The following CPEB2 variants were observed in gnomAD, a reference collection of about 807,000 sequenced individuals.
CPEB2 encodes cytoplasmic polyadenylation element-binding protein 2.
A neutral mutation model predicts 93.6 loss-of-function variants in CPEB2; 56 were observed. The observed-to-expected ratio is 0.60, with a 90% CI of 0.48 to 0.75. The LOEUF (loss-of-function observed/expected upper bound fraction) is 0.75, where lower values mean the gene tolerates loss of function less well. Among genes scored for constraint, CPEB2 ranks in the 30% least tolerant of loss-of-function variants. The probability of loss-of-function intolerance (pLI) is 0.00; values close to 1 mark genes in which losing one functional copy is unlikely to be tolerated. For synonymous variants in CPEB2, 764 were observed against 586.3 expected, an observed-to-expected ratio of 1.30 and a Z score of -4.38; for missense variants, 1,579 against 1,395.1, an observed-to-expected ratio of 1.13 and a Z score of -2.10.
At position 15,003,175 on chromosome 4, in the gene CPEB2, AAGCGGC is replaced by A; in HGVS notation, c.506_511del (p.Arg169_Gln170del). The A allele has an allele frequency of 6.5e-7, 1 of 1,532,842 alleles. No homozygotes were observed. Among genetic ancestry groups the A allele is most frequent in the Non-Finnish European group, 8.7e-7 (1 of 1,145,376 alleles). The allele number at this position is 1,532,842 out of a possible 1,614,324, so 95.0% of individuals were successfully genotyped here. A position where few individuals can be genotyped will look rare whatever the true frequency, so the allele number is the denominator to read the frequency against. On this transcript the variant is annotated inframe_deletion, in exon 1 of 12. Transcript: ENST00000538197. Reference sequence around the variant, plus strand: ...CACCTCCTCCCCGCAGGACTTCAGTAAGCGGCAGCAGCAGCAGCTGAGCAGCCAGAA... The same window carrying A: ...CACCTCCTCCCCGCAGGACTTCAGTAAGCAGCAGCAGCTGAGCAGCCAGAA...
chr4:15,021,405 A>G (rs1724797963), intron 4 of CPEB2, among the ~76,000 whole-genome samples: 1 of 152,052 alleles, frequency 6.6e-6, no homozygotes, highest in Non-Finnish European at 1.5e-5. Flanking sequence ...ATAATTTGTG[A>G]TTTTTTAATA....
chr4:15,045,846 TTTAAATA>T (rs1727622490), intron 6 of CPEB2, among the ~76,000 whole-genome samples: 1 of 152,186 alleles, frequency 6.6e-6, no homozygotes, highest in South Asian at 2.1e-4. Flanking sequence ...AGTAATTACT[TTTAAATA>T]TTTATAAGTA....
chr4:15,007,822 T>A (rs1475235630), intron 2 of CPEB2, among the ~76,000 whole-genome samples: 2 of 152,244 alleles, frequency 1.3e-5, no homozygotes, highest in African/African-American at 2.4e-5. Flanking sequence ...AAAAACCTTT[T>A]GTATTTATTA....
chr4:15,011,472 C>G (rs868176750), intron 3 of CPEB2, among the ~76,000 whole-genome samples: 1 of 151,982 alleles, frequency 6.6e-6, no homozygotes, highest in Non-Finnish European at 1.5e-5. Context: ...GTTACCCTTG[C>G]GAGAATCGTA....
At chr4:15,043,665 T>A (rs1727395574) in intron 6 of CPEB2, among the ~76,000 whole-genome samples, 1 of 152,050 alleles carries the variant, frequency 6.6e-6, no homozygotes, top group African/African-American at 2.4e-5. Context: ...AATAAAGGAT[T>A]AAAGGGCTAC....
intron 10 of CPEB2, 29 bp downstream of exon 10, chr4:15,059,330 A>C (rs1577467605): frequency 7.1e-7 from 1 of 1,406,314 alleles, no homozygotes; most frequent in Admixed American, 1.7e-5. Flanking sequence ...ATTTTGTTTA[A>C]AAAAATCATT....
intron 5 of CPEB2, among the ~76,000 whole-genome samples, chr4:15,035,406 C>CTG (rs1726512747): frequency 6.6e-6 from 1 of 152,148 alleles, no homozygotes; most frequent in East Asian, 1.9e-4. Context: ...CTCAGGGGGA[C>CTG]TGTTCTGAGA....
intron 7 of CPEB2, among the ~76,000 whole-genome samples, chr4:15,052,945 A>G (rs2109081923): frequency 6.6e-6 from 1 of 152,086 alleles, no homozygotes. Flanking sequence ...ATACACTGAA[A>G]TAAATGGAAC....
intron 6 of CPEB2, among the ~76,000 whole-genome samples, chr4:15,048,264 C>T (rs1322706250): frequency 2.0e-5 from 3 of 151,882 alleles, no homozygotes; most frequent in Admixed American, 2.0e-4. Context: ...TTTCTTTATT[C>T]TCTGGAAGAG....
intron 4 of CPEB2, among the ~76,000 whole-genome samples, chr4:15,024,154 G>GT (rs962227118): frequency 4.6e-5 from 7 of 151,512 alleles, no homozygotes; most frequent in African/African-American, 7.3e-5. Flanking sequence ...CATCCAGATT[G>GT]TTTTTTTTCA....
At chr4:15,062,351 CA>C (rs1425423342) in intron 11 of CPEB2, 91 bp downstream of exon 11, 1 of 891,854 alleles carries the variant, frequency 1.1e-6, no homozygotes, top group African/African-American at 1.7e-5. Flanking sequence ...ATAATTTGAA[CA>C]CTTTAATTTT....
At chr4:15,065,016 G>A (rs1209156399) in intron 11 of CPEB2, among the ~76,000 whole-genome samples, 3 of 151,902 alleles carry the variant, frequency 2.0e-5, no homozygotes, top group Non-Finnish European at 1.5e-5. Context: ...GCCAAGTGTC[G>A]AATATACATA....
chr4:15,031,110 A>G (rs1726044977), intron 4 of CPEB2, among the ~76,000 whole-genome samples: 1 of 152,092 alleles, frequency 6.6e-6, no homozygotes, highest in Non-Finnish European at 1.5e-5. Context: ...AGCACCTAGC[A>G]TATTTTATTG....
intron 10 of CPEB2, among the ~76,000 whole-genome samples, chr4:15,059,947 A>G (rs1198270737): frequency 2.6e-5 from 4 of 152,198 alleles, no homozygotes; most frequent in African/African-American, 9.7e-5. Flanking sequence ...ATAGAATATG[A>G]TGACTTCTAC....
At chr4:15,028,895 C>T (rs954303925) in intron 4 of CPEB2, among the ~76,000 whole-genome samples, 2 of 152,026 alleles carry the variant, frequency 1.3e-5, no homozygotes, top group African/African-American at 4.8e-5. Context: ...AAGTTTTATA[C>T]AGTTGTCATA....
chr4:15,008,489 G>A (rs75021526), intron 3 of CPEB2, 62 bp downstream of exon 3: 31,532 of 1,074,532 alleles, frequency 0.029, 530 homozygotes, highest in Non-Finnish European at 0.035. Context: ...TATATTATGA[G>A]TAGGATTTAT....
At position 15,003,381 on chromosome 4, in the gene CPEB2, C is replaced by T. The variant is rs1577345960; in HGVS notation, c.708C>T (p.Phe236=). 18 of 1,380,288 alleles carry T rather than the reference C, an allele frequency of 1.3e-5. No individual in the cohort carries two copies. Among genetic ancestry groups the T allele is most frequent in the Non-Finnish European group, 1.6e-5 (17 of 1,079,034 alleles). 85.5% of individuals were successfully genotyped at this position (1,380,288 alleles called of 1,614,324 possible). Residue 236 remains phenylalanine, a synonymous_variant, in exon 1 of 12, where the codon TTC becomes TTT. Transcript: ENST00000538197. ...AGCAGCAACAGCCGCCGCAGCAGTT[C>T]AGCCTCCTGCATCAGCAGCACCTCT... ...QRQQQQPPQQ[F]SLLHQQHLSP...
chr4:15,029,937 T>C (rs1421148557), intron 4 of CPEB2, among the ~76,000 whole-genome samples: 2 of 152,122 alleles, frequency 1.3e-5, no homozygotes, highest in Non-Finnish European at 2.9e-5. Flanking sequence ...TTATATCCCA[T>C]TGGCCAGATC....
At chr4:15,037,024 C>T (rs187402980) in intron 5 of CPEB2, among the ~76,000 whole-genome samples, 231 of 152,086 alleles carry the variant, frequency 1.5e-3, no homozygotes, top group African/African-American at 5.3e-3. Flanking sequence ...ATTTAGGGCC[C>T]GGGCGCAATG....
Sources: gnomAD v4.1 joint callset for allele counts (sites outside exome capture counted in the v4.1 genomes callset) on GRCh38, gnomAD v4.1.1 for gene constraint, MANE v1.5 for transcripts, NCBI Gene and HGNC (gene_info 2026-07-23, HGNC 2026-07-21) for gene names.